TRPV3: variants seen among roughly 807,000 people sequenced by gnomAD.
The protein encoded by TRPV3 is transient receptor potential cation channel subfamily V member 3.
In TRPV3, 88 loss-of-function variants were observed where a neutral mutation model predicts 87.1. That is an observed-to-expected ratio of 1.01 (90% CI 0.85 to 1.21). The LOEUF is 1.21. Ranked by LOEUF, TRPV3 falls within the 50% of genes most tolerant of loss-of-function variation. The probability of loss-of-function intolerance (pLI) is 0.00; values close to 1 mark genes in which losing one functional copy is unlikely to be tolerated. For synonymous variants in TRPV3, 438 were observed against 423.3 expected, an observed-to-expected ratio of 1.03 and a Z score of -0.43; for missense variants, 1,054 against 1,030.1, an observed-to-expected ratio of 1.02 and a Z score of -0.32.
At chr17:3,543,382 G>C (rs2074487665) in intron 5 of TRPV3, 92 bp downstream of exon 5, 1 of 1,502,888 alleles carries the variant, frequency 6.7e-7, no homozygotes, top group Middle Eastern at 1.8e-4. Flanking sequence ...TCACACTCCA[G>C]CCTCATGGGT....
rs369789273 is a variant in TRPV3 at position 3,513,913 on chromosome 17, G to C, written c.*4C>G. 1 of 1,613,386 alleles carries C rather than the reference G, an allele frequency of 6.2e-7. No individual in the cohort carries two copies. Among genetic ancestry groups the C allele is most frequent in the South Asian group, 1.1e-5 (1 of 91,048 alleles). ...CACGCGCACACCAGCTCTGGGTTCC[G>C]CTTCTACACCGAGGTTTCCGGGAAT... On this transcript the variant is annotated 3_prime_UTR_variant, in exon 18 of 18. Transcript: ENST00000576742.
chr17:3,542,663 C>T lies in TRPV3; in HGVS notation c.502G>A (p.Gly168Arg), dbSNP rs1440415780. ...AAGGCCTTCATCAGGCAGGTCTTCC[C>T]CGTGTCGGAGGCCGTCAGCTTGTGC... ...LMHKLTASDT[G>R]KTCLMKALLN... Residue 168 changes from glycine to arginine, a missense_variant, in exon 6 of 18, where the codon GGG becomes AGG. Transcript: ENST00000576742. The T allele has an allele frequency of 3.1e-6, 5 of 1,613,986 alleles. No homozygotes were observed. Among genetic ancestry groups the T allele is most frequent in the Non-Finnish European group, 4.2e-6 (5 of 1,180,004 alleles).
intron 2 of TRPV3, among the ~76,000 whole-genome samples, chr17:3,550,236 T>A: frequency 6.6e-6 from 1 of 152,150 alleles, no homozygotes; most frequent in Admixed American, 6.5e-5. Flanking sequence ...CCTCATCCCC[T>A]TCCCAATCTC....
At chr17:3,521,972 A>C (rs2074250392) in intron 13 of TRPV3, among the ~76,000 whole-genome samples, 1 of 152,128 alleles carries the variant, frequency 6.6e-6, no homozygotes, top group Non-Finnish European at 1.5e-5. Context: ...GCTACTCCAG[A>C]GGCTGAGGCG....
intron 14 of TRPV3, among the ~76,000 whole-genome samples, chr17:3,519,343 GATGGAT>G (rs1434984462): frequency 8.6e-5 from 13 of 151,590 alleles, no homozygotes; most frequent in Admixed American, 2.6e-4. Context: ...TGGATGGATG[GATGGAT>G]GGATGGATAT....
In TRPV3 at chr17:3,514,656, A is replaced by G. The variant is rs906900036; in HGVS notation, c.2215T>C (p.Trp739Arg). 1.1e-5 allele frequency: 17 copies of G among 1,613,474 alleles called. No homozygotes were observed. Among genetic ancestry groups the G allele is most frequent in the Non-Finnish European group, 1.4e-5 (16 of 1,179,646 alleles). ...GAGACGTGCGTCTTCCATTCAGTCC[A>G]CTTCACCTCATTGATCCTGCAAATG... is the stretch of plus-strand genomic sequence containing the variant. ...RLCLRINEVK[W>R]TEWKTHVSFL... Residue 739 changes from tryptophan to arginine, a missense_variant, in exon 17 of 18, where the codon TGG becomes CGG. By Grantham distance (101) the Trp-to-Arg change is moderately radical. Transcript: ENST00000576742.
chr17:3,546,893 G>C (rs552693451), intron 2 of TRPV3: 1 of 279,722 alleles, frequency 3.6e-6, no homozygotes, highest in African/African-American at 2.3e-5. Flanking sequence ...GCTTGAAACC[G>C]GGAGGCAGAG....
rs403064 is a variant in TRPV3 at position 3,529,308 on chromosome 17, T to C, written c.1243-313A>G. 0.47 allele frequency among the ~76,000 whole-genome samples: 71,869 copies of C among 151,798 alleles called. 18,157 individuals are homozygous for C. The highest frequency in any genetic ancestry group is 0.57 in the Non-Finnish European group (38,559 of 67,882). On this transcript the variant is annotated intron_variant, in intron 9 of 17. Transcript: ENST00000576742. ...TTCCAGCCCCAGTTTGCTCCTCCTT[T>C]GCTGTGTGACTTTAGGACAGACCCT...
At chr17:3,543,057 T>C (rs1249746073) in intron 5 of TRPV3, among the ~76,000 whole-genome samples, 1 of 151,820 alleles carries the variant, frequency 6.6e-6, no homozygotes, top group Non-Finnish European at 1.5e-5. Context: ...GATACTGCAC[T>C]GGTCCCCGAG....
At position 3,513,888 on chromosome 17, in the gene TRPV3, C is replaced by T; in HGVS notation, c.*29G>A. ...ACTCCGCCTGCAGCGCCAGACAGCG[C>T]ACGCGCACACCAGCTCTGGGTTCCG... On this transcript the variant is annotated 3_prime_UTR_variant, in exon 18 of 18. Coordinates refer to ENST00000576742, the MANE Select transcript of TRPV3 (RefSeq NM_145068.4). 1.3e-6 allele frequency: 2 copies of T among 1,585,036 alleles called. No homozygotes were observed. The highest frequency in any genetic ancestry group is 1.1e-5 in the South Asian group (1 of 90,452).
At chr17:3,535,234 C>T (rs2074392052) in intron 7 of TRPV3, among the ~76,000 whole-genome samples, 1 of 46,108 alleles carries the variant, frequency 2.2e-5, no homozygotes, top group Non-Finnish European at 5.0e-5. Flanking sequence ...CCTCCCTCCT[C>T]CCTCCCTCCC....
chr17:3,535,416 T>C (rs1460302881), intron 7 of TRPV3, among the ~76,000 whole-genome samples, 157 bp downstream of exon 7: 1 of 120,186 alleles, frequency 8.3e-6, no homozygotes. Context: ...TCCTTCCTGT[T>C]TCCCCCTCCC....
rs986457393 is a variant in TRPV3, at chr17:3,556,156, G to A, written c.-2-1304C>T. On this transcript the variant is annotated intron_variant, in intron 1 of 17. Coordinates refer to ENST00000576742, the MANE Select transcript of TRPV3 (RefSeq NM_145068.4). This position sits in a 1 kb window ranked among gnomAD's most constrained non-coding sequence, Gnocchi z 4.2. ...TGTGCCACTGCACTCCAGCCTGGGC[G>A]ACAGAGCGAGACTCCGTCTCAAAAA... 1.4e-4 allele frequency among the ~76,000 whole-genome samples: 21 copies of A among 148,792 alleles called. No homozygotes were observed. The highest frequency in any genetic ancestry group is 4.9e-4 in the African/African-American group (20 of 40,492).
At position 3,516,509 on chromosome 17, in the gene TRPV3, G is replaced by C; in HGVS notation, c.2146C>G (p.Arg716Gly). Residue 716 changes from arginine to glycine, a missense_variant, in exon 16 of 18, where the codon CGG becomes GGG. Physicochemically the swap from Arg to Gly is moderately radical, Grantham distance 125. Transcript: ENST00000576742. Reference protein sequence around the residue: ...MLPEWLRSRFRMGELCKVAED... With the variant: ...MLPEWLRSRFGMGELCKVAED... ...GCCACTTTGCACAGCTCTCCCATCCGGAATCTGCTCCTCAGCCATTCTGGT... is the reference window on the plus strand; with the variant it reads ...GCCACTTTGCACAGCTCTCCCATCCCGAATCTGCTCCTCAGCCATTCTGGT... The C allele has an allele frequency of 6.2e-7, 1 of 1,614,026 alleles. No homozygotes were observed. The highest frequency in any genetic ancestry group is 8.5e-7 in the Non-Finnish European group (1 of 1,179,984).
chr17:3,521,471 T>A (rs1190617673), intron 13 of TRPV3, among the ~76,000 whole-genome samples: 1 of 152,206 alleles, frequency 6.6e-6, no homozygotes, highest in East Asian at 1.9e-4. Flanking sequence ...GGGGATCTAA[T>A]GGACAGCATG....
At chr17:3,517,065 A>AG in intron 15 of TRPV3, among the ~76,000 whole-genome samples, 1 of 152,060 alleles carries the variant, frequency 6.6e-6, no homozygotes, top group Non-Finnish European at 1.5e-5. Context: ...GAATCACTTG[A>AG]ACCTGGAGGT....
chr17:3,545,176 A>G lies in TRPV3; in HGVS notation c.215T>C (p.Ile72Thr), dbSNP rs752472498. ...PVFSKPMDSN[I>T]RQCISGNCDD... Reference sequence around the variant, plus strand: ...TGGGGCCCGTACTCACCACTGCCGGATGTTGGAATCCATGGGCTTGGAGAA... The same window carrying G: ...TGGGGCCCGTACTCACCACTGCCGGGTGTTGGAATCCATGGGCTTGGAGAA... The change falls in exon 3 of 18, where the codon ATC becomes ACC. Residue 72 changes from isoleucine to threonine, a missense_variant. Transcript: ENST00000576742. The G allele has an allele frequency of 6.2e-7, 1 of 1,613,634 alleles. No homozygotes were observed. Among genetic ancestry groups the G allele is most frequent in the Non-Finnish European group, 8.5e-7 (1 of 1,179,698 alleles).
chr17:3,520,512 C>T (rs959537998), intron 14 of TRPV3, among the ~76,000 whole-genome samples: 7 of 152,104 alleles, frequency 4.6e-5, no homozygotes, highest in South Asian at 2.1e-4. Context: ...GTGAGGGCCA[C>T]GTAAGCAATG....
rs2074641079 is a variant in TRPV3 at position 3,557,236 on chromosome 17, T to C, written c.-3+440A>G. On this transcript the variant is annotated intron_variant, in intron 1 of 17. Transcript: ENST00000576742. The surrounding 1 kb of genome is among the most constrained non-coding windows in gnomAD (Gnocchi z 4.5). ...ACAGACCAGGCCGCGGAGCCACAGC[T>C]GCTGACTCAGCACCTGTGAGATGCC... Among the ~76,000 whole-genome samples the C allele has an allele frequency of 6.6e-6, 1 of 152,146 alleles. No individual in the cohort carries two copies.
Sources: gnomAD v4.1 joint callset for allele counts (sites outside exome capture counted in the v4.1 genomes callset) on GRCh38, gnomAD v4.1.1 for gene constraint, Gnocchi (gnomAD v3.1) non-coding constraint, MANE v1.5 for transcripts, NCBI Gene and HGNC (gene_info 2026-07-23, HGNC 2026-07-21) for gene names.